REDIC1: variants seen among roughly 807,000 people sequenced by gnomAD.
REDIC1 encodes regulator of DNA class I crossover intermediates 1.
the REDIC1 span, among the ~76,000 whole-genome samples, chr12:39,688,855 A>T: frequency 1.3e-5 from 2 of 152,234 alleles, no homozygotes; most frequent in Non-Finnish European, 2.9e-5. Flanking sequence ...ACCTAGATTT[A>T]TTTATGATTT....
chr12:39,874,442 C>T, the REDIC1 span, among the ~76,000 whole-genome samples: 346 of 151,960 alleles, frequency 2.3e-3, 1 homozygote, highest in African/African-American at 7.8e-3. Flanking sequence ...GGTGAAACCC[C>T]ATCTCTATTA....
chr12:39,707,950 A>T, the REDIC1 span, among the ~76,000 whole-genome samples: 9 of 151,968 alleles, frequency 5.9e-5, no homozygotes, highest in African/African-American at 1.9e-4. Flanking sequence ...ATGGAATCTA[A>T]AATCAAAGCA....
the REDIC1 span, among the ~76,000 whole-genome samples, chr12:39,686,208 G>A: frequency 1.8e-4 from 27 of 152,198 alleles, no homozygotes; most frequent in Admixed American, 1.8e-3. Context: ...ACTCTCTGTG[G>A]GGGCTCCAAT....
the REDIC1 span, among the ~76,000 whole-genome samples, chr12:39,722,487 T>C: frequency 6.6e-6 from 1 of 152,106 alleles, no homozygotes. Flanking sequence ...TGCAAAAATA[T>C]TGCATACTAT....
At chr12:39,682,605 C>T in the REDIC1 span, 2 of 1,531,678 alleles carry the variant, frequency 1.3e-6, no homozygotes, top group Non-Finnish European at 1.8e-6. Flanking sequence ...TTTGTTTATC[C>T]CAAAGTCTAG....
chr12:39,837,685 T>C, the REDIC1 span, among the ~76,000 whole-genome samples: 1 of 151,868 alleles, frequency 6.6e-6, no homozygotes, highest in African/African-American at 2.4e-5. Flanking sequence ...GCGAAGGACA[T>C]GAACAGACAC....
At chr12:39,640,588 A>T in the REDIC1 span, among the ~76,000 whole-genome samples, 1 of 151,968 alleles carries the variant, frequency 6.6e-6, no homozygotes, top group South Asian at 2.1e-4. Flanking sequence ...TAGAATGTTG[A>T]AATACAAAGA....
chr12:39,768,646 C>A, the REDIC1 span, among the ~76,000 whole-genome samples: 3 of 152,168 alleles, frequency 2.0e-5, no homozygotes, highest in South Asian at 6.2e-4. Flanking sequence ...TCAGAACACA[C>A]ACAACATTTA....
the REDIC1 span, among the ~76,000 whole-genome samples, chr12:39,796,394 A>C: frequency 1.4e-5 from 2 of 145,096 alleles, no homozygotes; most frequent in South Asian, 4.3e-4. Context: ...GTTTGAGATC[A>C]CCCTGGCCAA....
the REDIC1 span, among the ~76,000 whole-genome samples, chr12:39,703,501 C>T: frequency 6.6e-6 from 1 of 151,156 alleles, no homozygotes; most frequent in African/African-American, 2.4e-5. Context: ...TGAAAATGGC[C>T]ATACTGCCCA....
the REDIC1 span, among the ~76,000 whole-genome samples, chr12:39,865,345 T>C: frequency 1.3e-5 from 2 of 152,220 alleles, no homozygotes; most frequent in African/African-American, 4.8e-5. Context: ...TAAACCTTTT[T>C]AGTTTAACAA....
At chr12:39,704,693 C>A in the REDIC1 span, among the ~76,000 whole-genome samples, 1 of 152,078 alleles carries the variant, frequency 6.6e-6, no homozygotes, top group Non-Finnish European at 1.5e-5. Flanking sequence ...CAATGATAGA[C>A]TAGATTAAGA....
the REDIC1 span, among the ~76,000 whole-genome samples, chr12:39,818,515 T>A: frequency 6.6e-6 from 1 of 152,298 alleles, no homozygotes; most frequent in Admixed American, 6.5e-5. Flanking sequence ...TCTAACTTTA[T>A]AAGTAGCTAA....
At chr12:39,677,394 CA>C in the REDIC1 span, among the ~76,000 whole-genome samples, 1 of 152,016 alleles carries the variant, frequency 6.6e-6, no homozygotes, top group Non-Finnish European at 1.5e-5. Flanking sequence ...AGGAAAATAT[CA>C]CAATCCTAAA....
chr12:39,766,863 C>T, the REDIC1 span, among the ~76,000 whole-genome samples: 1 of 152,096 alleles, frequency 6.6e-6, no homozygotes, highest in Non-Finnish European at 1.5e-5. Context: ...TTAGGCTTCG[C>T]TTCTACAATA....
chr12:39,692,701 C>T, the REDIC1 span, among the ~76,000 whole-genome samples: 1 of 151,934 alleles, frequency 6.6e-6, no homozygotes, highest in South Asian at 2.1e-4. Flanking sequence ...GAATATTTTG[C>T]TTACGTTGTT....
the REDIC1 span, among the ~76,000 whole-genome samples, chr12:39,857,010 G>A: frequency 6.6e-6 from 1 of 152,122 alleles, no homozygotes; most frequent in Non-Finnish European, 1.5e-5. Context: ...TTATGCAGAT[G>A]CTATTTTAAG....
At chr12:39,733,595 C>T in the REDIC1 span, among the ~76,000 whole-genome samples, 2 of 152,082 alleles carry the variant, frequency 1.3e-5, no homozygotes, top group Admixed American at 6.5e-5. Context: ...TTCAGAGATG[C>T]CCTGCCCAGA....
At chr12:39,767,600 A>G in the REDIC1 span, among the ~76,000 whole-genome samples, 7 of 152,176 alleles carry the variant, frequency 4.6e-5, no homozygotes, top group Admixed American at 4.6e-4. Flanking sequence ...TTCTTCCAAC[A>G]GAAGGCAGTT....
Sources: gnomAD v4.1 joint callset for allele counts (sites outside exome capture counted in the v4.1 genomes callset) on GRCh38, gnomAD v4.1.1 for gene constraint, MANE v1.5 for transcripts, NCBI Gene and HGNC (gene_info 2026-07-23, HGNC 2026-07-21) for gene names.